Variants in RGS6 observed in about 807,000 individuals in gnomAD.
RGS6 encodes the protein regulator of G-protein signaling 6.
RGS6 carries 30 observed loss-of-function variants against 78.5 expected under a neutral mutation model. That is an observed-to-expected ratio of 0.38 (90% CI 0.29 to 0.52). The LOEUF (loss-of-function observed/expected upper bound fraction) is 0.52. Among genes scored for constraint, RGS6 ranks in the 20% least tolerant of loss-of-function variants. RGS6 has a pLI of 0.85. For synonymous variants in RGS6, 206 were observed against 206.0 expected (o/e 1.00, Z 0.00); for missense variants, 495 against 609.7 (o/e 0.81, Z 1.98).
chr14:72,537,610 G>A (rs190605157), intron 16 of RGS6: 7 of 701,664 alleles, frequency 1.0e-5, no homozygotes, highest in African/African-American at 3.5e-5. Flanking sequence ...GGAGGAGGCC[G>A]ACACCCTCAT....
intron 2 of RGS6, among the ~76,000 whole-genome samples, chr14:72,098,672 G>C (rs2095463551): frequency 6.6e-6 from 1 of 152,204 alleles, no homozygotes; most frequent in Non-Finnish European, 1.5e-5. Flanking sequence ...AAATTTGGAA[G>C]TTTTGGCAAA....
intron 3 of RGS6, among the ~76,000 whole-genome samples, chr14:72,445,181 C>CTGTTT (rs891013761): frequency 4.5e-4 from 69 of 152,302 alleles, no homozygotes; most frequent in South Asian, 1.0e-3. Context: ...TGAGATTTCT[C>CTGTTT]TGTTTTGTTT....
Position 71,985,313 on chromosome 14 carries a change from G to A in RGS6, c.84+20438G>A, listed in dbSNP as rs558168158. On this transcript the variant is annotated intron_variant, in intron 2 of 17. Transcript: ENST00000553525. Reference sequence around the variant, plus strand: ...TAATTTTTGTATTTTTAGTAGAGACGGGGTCTCACTATGTTGGCCAGAATG... The same window carrying A: ...TAATTTTTGTATTTTTAGTAGAGACAGGGTCTCACTATGTTGGCCAGAATG... Among the ~76,000 whole-genome samples the A allele has an allele frequency of 4.6e-5, 7 of 152,180 alleles. 1 individual carries two copies. Among genetic ancestry groups the A allele is most frequent in the Admixed American group, 2.6e-4 (4 of 15,284 alleles).
At chr14:71,970,083 G>A (rs1566930767) in intron 2 of RGS6, among the ~76,000 whole-genome samples, 1 of 152,096 alleles carries the variant, frequency 6.6e-6, no homozygotes, top group African/African-American at 2.4e-5. Context: ...GTGGCAACCT[G>A]TTTCTTTGGC....
the RGS6 span, among the ~76,000 whole-genome samples, chr14:72,580,315 A>ACCCCC: frequency 7.5e-6 from 1 of 133,782 alleles, no homozygotes; most frequent in East Asian, 2.3e-4. Context: ...TGTCCCCCCC[A>ACCCCC]CCCCGACCCC....
intron 2 of RGS6, among the ~76,000 whole-genome samples, chr14:72,104,383 TTTA>T (rs768116133): frequency 1.3e-5 from 2 of 152,254 alleles, no homozygotes; most frequent in Non-Finnish European, 2.9e-5. Flanking sequence ...GTTTTATATT[TTTA>T]TTATGTTACT....
At chr14:72,618,491 G>T in the RGS6 span, among the ~76,000 whole-genome samples, 1 of 152,148 alleles carries the variant, frequency 6.6e-6, no homozygotes, top group Non-Finnish European at 1.5e-5. Flanking sequence ...GGCCATGACT[G>T]GTCTCACCTA....
At chr14:72,358,715 C>T (rs554146265) in intron 3 of RGS6, among the ~76,000 whole-genome samples, 1 of 152,254 alleles carries the variant, frequency 6.6e-6, no homozygotes, top group African/African-American at 2.4e-5. Flanking sequence ...GTGGAAGGGA[C>T]TTGCTTAGTC....
chr14:72,165,267 T>C (rs2096908901), intron 2 of RGS6, among the ~76,000 whole-genome samples: 1 of 152,228 alleles, frequency 6.6e-6, no homozygotes, highest in Non-Finnish European at 1.5e-5. Context: ...CAGCCAGGGA[T>C]GCAAGGAAGA....
At chr14:72,213,876 T>G (rs539278729) in intron 2 of RGS6, among the ~76,000 whole-genome samples, 3 of 152,298 alleles carry the variant, frequency 2.0e-5, no homozygotes, top group African/African-American at 7.2e-5. Flanking sequence ...TGTTTTTATT[T>G]GACACTACTC....
Position 72,077,263 on chromosome 14 carries a change from T to G in RGS6, c.84+112388T>G, listed in dbSNP as rs982117300. On this transcript the variant is annotated intron_variant, in intron 2 of 17. Transcript: ENST00000553525. Reference sequence around the variant, plus strand: ...GTGTATGAATTCCATCTTAATAGTTTTGCTAACTTGTCCATTGAGGGGTTT... The same window carrying G: ...GTGTATGAATTCCATCTTAATAGTTGTGCTAACTTGTCCATTGAGGGGTTT... 4.6e-5 allele frequency among the ~76,000 whole-genome samples: 7 copies of G among 152,284 alleles called. No homozygotes were observed. The East Asian group carries it at 1.3e-3, about 29-fold the overall frequency.
the RGS6 span, among the ~76,000 whole-genome samples, chr14:71,875,480 C>A: frequency 6.6e-6 from 1 of 152,084 alleles, no homozygotes; most frequent in African/African-American, 2.4e-5. Flanking sequence ...TCTGTGGGAT[C>A]GGTGATGATA....
At chr14:72,025,984 G>A (rs1393624333) in intron 2 of RGS6, among the ~76,000 whole-genome samples, 1 of 152,162 alleles carries the variant, frequency 6.6e-6, no homozygotes, top group East Asian at 1.9e-4. Flanking sequence ...ATAATGAGCA[G>A]GATGAATAAA....
chr14:71,879,027 A>AT, the RGS6 span, among the ~76,000 whole-genome samples: 2 of 151,036 alleles, frequency 1.3e-5, no homozygotes, highest in South Asian at 2.1e-4. Context: ...TTCATAGTGT[A>AT]TTTTTTTTTC....
chr14:72,033,068 G>A (rs1408769271), intron 2 of RGS6, among the ~76,000 whole-genome samples: 1 of 152,172 alleles, frequency 6.6e-6, no homozygotes, highest in Admixed American at 6.5e-5. Context: ...AAGCACAATA[G>A]CTTAGCCTAG....
chr14:72,541,491 G>A, intron 17 of RGS6: 1 of 1,535,720 alleles, frequency 6.5e-7, no homozygotes, highest in Non-Finnish European at 8.7e-7. Context: ...CACAAGGCCT[G>A]CGGGTGCCTG....
chr14:72,440,416 T>C (rs1032187830), intron 3 of RGS6, among the ~76,000 whole-genome samples: 1 of 108,490 alleles, frequency 9.2e-6, no homozygotes, highest in South Asian at 3.2e-4. Flanking sequence ...CTACACTTCT[T>C]TTTTTTTTTT....
At chr14:72,334,062 CCTCCAT>C (rs1425800872) in intron 2 of RGS6, among the ~76,000 whole-genome samples, 1 of 152,218 alleles carries the variant, frequency 6.6e-6, no homozygotes, top group Non-Finnish European at 1.5e-5. Context: ...TCCCCTTAAA[CCTCCAT>C]CTCCAACACC....
chr14:72,477,817 G>GA (rs11290622), intron 11 of RGS6, among the ~76,000 whole-genome samples: 19 of 148,386 alleles, frequency 1.3e-4, no homozygotes, highest in South Asian at 6.5e-4. Flanking sequence ...AAGAAAAAAA[G>GA]AAAAAAAAAC....
Sources: gnomAD v4.1 joint callset for allele counts (sites outside exome capture counted in the v4.1 genomes callset) on GRCh38, gnomAD v4.1.1 for gene constraint, MANE v1.5 for transcripts, NCBI Gene and HGNC (gene_info 2026-07-23, HGNC 2026-07-21) for gene names.